FARP1: variants seen among roughly 807,000 people sequenced by gnomAD.
FARP1 encodes FERM, ARHGEF and pleckstrin domain-containing protein 1.
Under a neutral mutation model 128.8 loss-of-function variants are expected in FARP1, and 52 were observed. That is an observed-to-expected ratio of 0.40 (90% confidence interval 0.32 to 0.51). The LOEUF is 0.51. Ranked by LOEUF, FARP1 falls within the 20% of genes least tolerant of loss-of-function variation. FARP1 has a pLI of 0.45. For missense variants in FARP1, 1,333 were observed against 1,367.9 expected (o/e 0.97, Z 0.40); for synonymous variants, 580 against 551.8 (o/e 1.05, Z -0.72).
At chr13:98,300,384 A>G (rs1885872552) in intron 2 of FARP1, among the ~76,000 whole-genome samples, 1 of 152,140 alleles carries the variant, frequency 6.6e-6, no homozygotes, top group Non-Finnish European at 1.5e-5. Flanking sequence ...ATCCAACCAC[A>G]TCTCTATCAT....
chr13:98,149,643 T>G (rs201281793), intron 1 of FARP1, among the ~76,000 whole-genome samples: 55 of 46,902 alleles, frequency 1.2e-3, no homozygotes, highest in African/African-American at 1.6e-3. Context: ...ACTGTGGTTT[T>G]GTTTTTCCTG....
rs148651903 is a variant in FARP1, at chr13:98,287,839, G to A, written c.172-55923G>A. Among the ~76,000 whole-genome samples the A allele has an allele frequency of 7.4e-3, 959 of 128,884 alleles. 7 individuals are homozygous for A. The highest frequency in any genetic ancestry group is 0.031 in the Middle Eastern group (5 of 162). 84.6% of individuals were successfully genotyped at this position (128,884 alleles called of 152,430 possible). On this transcript the variant is annotated intron_variant, in intron 2 of 26. Transcript: ENST00000319562. The stretch of plus-strand genomic sequence containing the variant: ...TTTTTTTGAGACGTAGTCTCGCTCT[G>A]TCACCAGGCTGCAGTGCAGTGGCAC...
intron 2 of FARP1, among the ~76,000 whole-genome samples, chr13:98,223,978 A>T (rs1163662962): frequency 6.6e-6 from 1 of 152,206 alleles, no homozygotes; most frequent in Non-Finnish European, 1.5e-5. Context: ...GACATGAACT[A>T]TAAAATGCAA....
rs755576786 is a variant in FARP1, at chr13:98,176,591, C to G, written c.-24+33099C>G. The G allele has an allele frequency of 6.2e-7, 1 of 1,614,196 alleles. No homozygotes were observed. Among genetic ancestry groups the G allele is most frequent in the South Asian group, 1.1e-5 (1 of 91,080 alleles). On this transcript the variant is annotated intron_variant, in intron 1 of 26. Transcript: ENST00000319562. The surrounding 1 kb of genome is among the most constrained non-coding windows in gnomAD (Gnocchi z 6.2). Reference sequence around the variant, plus strand: ...CACCCGAGCTTGTAATCGGAACGGTCGTGGAGGAATTTGCAGCTGTCCCCG... The same window carrying G: ...CACCCGAGCTTGTAATCGGAACGGTGGTGGAGGAATTTGCAGCTGTCCCCG...
At chr13:98,184,682 C>T (rs780533969) in intron 1 of FARP1, among the ~76,000 whole-genome samples, 4 of 152,172 alleles carry the variant, frequency 2.6e-5, no homozygotes, top group Non-Finnish European at 5.9e-5. Context: ...TGGTGTATAG[C>T]AGTGGCCAAC....
intron 17 of FARP1, among the ~76,000 whole-genome samples, chr13:98,427,879 C>G (rs1185331906): frequency 2.6e-5 from 4 of 152,132 alleles, no homozygotes; most frequent in African/African-American, 4.8e-5. Flanking sequence ...GAGTCACTGG[C>G]AGCCTTTTTG....
At chr13:98,147,237 G>A (rs370794228) in intron 1 of FARP1, among the ~76,000 whole-genome samples, 38 of 152,272 alleles carry the variant, frequency 2.5e-4, no homozygotes, top group African/African-American at 8.9e-4. Flanking sequence ...CATGCTCGAA[G>A]CTTTTGATAC....
In FARP1 at chr13:98,379,183, A is replaced by C. The variant is rs867564973; in HGVS notation, c.496+1265A>C. On this transcript the variant is annotated intron_variant, in intron 6 of 26. Transcript: ENST00000319562. ...ATATAATATATAATCTATATATAAT[A>C]TATATAATATATAATATATATATAA... is the stretch of plus-strand genomic sequence containing the variant. Among the ~76,000 whole-genome samples, 28 of 71,556 alleles carry C rather than the reference A, an allele frequency of 3.9e-4. 4 individuals are homozygous for C. Among genetic ancestry groups the C allele is most frequent in the African/African-American group, 1.2e-3 (14 of 11,328 alleles). The allele number at this position is 71,556 out of a possible 152,430, so 46.9% of individuals were successfully genotyped here. A position where few individuals can be genotyped will look rare whatever the true frequency, so the allele number is the denominator to read the frequency against.
At position 98,394,167 on chromosome 13, in the gene FARP1, G is replaced by A. The variant is rs1248217534; in HGVS notation, c.1164+449G>A. ...GCGAGTTCCCAGAGCTTGTATTACA[G>A]GGCAGTGACCACAATTGGCAGTAAG... On this transcript the variant is annotated intron_variant, in intron 12 of 26. Transcript: ENST00000319562. Among the ~76,000 whole-genome samples the A allele has an allele frequency of 7.7e-4, 117 of 152,294 alleles. 1 individual carries two copies. Among genetic ancestry groups the A allele is most frequent in the Non-Finnish European group, 5.9e-5 (4 of 68,022 alleles).
intron 2 of FARP1, among the ~76,000 whole-genome samples, chr13:98,256,654 G>A (rs904031211): frequency 6.6e-6 from 1 of 151,362 alleles, no homozygotes; most frequent in African/African-American, 2.4e-5. Context: ...CCACCTCCCA[G>A]GTTCAAGTGA....
At chr13:98,373,766 A>G (rs1366953748) in intron 5 of FARP1, among the ~76,000 whole-genome samples, 1 of 152,132 alleles carries the variant, frequency 6.6e-6, no homozygotes, top group Non-Finnish European at 1.5e-5. Flanking sequence ...AAAATGGATT[A>G]TTCTTTTATT....
intron 1 of FARP1, chr13:98,159,681 G>A (rs1186259433): frequency 6.6e-6 from 1 of 152,066 alleles, no homozygotes; most frequent in African/African-American, 2.4e-5. Context: ...ATGTTGGTCA[G>A]GCTGGTCTCG....
Position 98,453,303 on chromosome 13 carries a change from A to G in FARP1, c.*4986A>G. ...TAACCAAAATCTTAGTTTTCATAAG[A>G]AATTCCAAGTCATACAAAAATAAGT... On this transcript the variant is annotated 3_prime_UTR_variant, in exon 27 of 27. Transcript: ENST00000319562. The G allele has an allele frequency of 7.6e-7, 1 of 1,307,768 alleles. No homozygotes were observed. Among genetic ancestry groups the G allele is most frequent in the East Asian group, 2.4e-5 (1 of 42,124 alleles). 81.0% of individuals were successfully genotyped at this position (1,307,768 alleles called of 1,614,324 possible).
At position 98,450,597 on chromosome 13, in the gene FARP1, C is replaced by G. The variant is rs1893141399; in HGVS notation, c.*2280C>G. The G allele has an allele frequency of 6.6e-6, 1 of 152,420 alleles. No individual in the cohort carries two copies. Among genetic ancestry groups the G allele is most frequent in the African/African-American group, 2.4e-5 (1 of 41,456 alleles). The allele number at this position is 152,420 out of a possible 1,614,324, so 9.4% of individuals were successfully genotyped here. ...GCTACCAGCCACCCAGTCCACGGCC[C>G]TCGTCTCCCAGAGGCTGAGTACCTC... On this transcript the variant is annotated 3_prime_UTR_variant, in exon 27 of 27. Transcript: ENST00000319562.
intron 2 of FARP1, among the ~76,000 whole-genome samples, chr13:98,304,843 T>G (rs1429017574): frequency 6.6e-6 from 1 of 152,222 alleles, no homozygotes; most frequent in East Asian, 1.9e-4. Flanking sequence ...GTATTATCTG[T>G]CAGCCATTGG....
At chr13:98,407,367 T>C (rs978444753) in intron 13 of FARP1, 3 of 152,068 alleles carry the variant, frequency 2.0e-5, no homozygotes, top group African/African-American at 4.8e-5. Flanking sequence ...TAAATAATAG[T>C]GTAGTACCTT....
chr13:98,395,171 G>C, intron 12 of FARP1, 56 bp from the exon 13 acceptor site: 1 of 1,527,010 alleles, frequency 6.5e-7, no homozygotes, highest in Non-Finnish European at 8.8e-7. Context: ...TTCAGCCTTG[G>C]AATAACAGTC....
chr13:98,202,159 T>TC (rs1879993051), intron 1 of FARP1, among the ~76,000 whole-genome samples: 1 of 152,176 alleles, frequency 6.6e-6, no homozygotes, highest in African/African-American at 2.4e-5. Context: ...CACCCCAGCC[T>TC]CCCCTGGGGC....
chr13:98,243,088 T>C (rs909353749), intron 2 of FARP1, among the ~76,000 whole-genome samples: 1 of 152,220 alleles, frequency 6.6e-6, no homozygotes, highest in Non-Finnish European at 1.5e-5. Context: ...TCCCCAGGCT[T>C]ATAATCAGTA....
Sources: gnomAD v4.1 joint callset for allele counts (sites outside exome capture counted in the v4.1 genomes callset) on GRCh38, gnomAD v4.1.1 for gene constraint, Gnocchi (gnomAD v3.1) non-coding constraint, MANE v1.5 for transcripts, NCBI Gene and HGNC (gene_info 2026-07-23, HGNC 2026-07-21) for gene names.